Variants in STN1 observed in about 807,000 individuals in gnomAD.
STN1 encodes the protein STN1 subunit of CST complex.
A neutral mutation model predicts 45.5 loss-of-function variants in STN1; 29 were observed. That is an observed-to-expected ratio of 0.64 (90% CI 0.47 to 0.87). The LOEUF is 0.87. Among genes scored for constraint, STN1 ranks in the 40% least tolerant of loss-of-function variants. The probability of loss-of-function intolerance (pLI) is 0.00; values close to 1 mark genes in which losing one functional copy is unlikely to be tolerated. For missense variants in STN1, 376 were observed against 441.4 expected (o/e 0.85, Z 1.33); for synonymous variants, 148 against 159.0 (o/e 0.93, Z 0.52).
At chr10:103,899,129 T>C in intron 5 of STN1, 129 bp from the exon 6 acceptor site, 2 of 891,956 alleles carry the variant, frequency 2.2e-6, no homozygotes, top group Admixed American at 2.3e-5. Context: ...TCCTTGTGAG[T>C]GCCCAGGGAT....
At chr10:103,917,825 G>T (rs1047412286) in intron 1 of STN1, among the ~76,000 whole-genome samples, 169 bp from the exon 2 acceptor site, 1 of 152,238 alleles carries the variant, frequency 6.6e-6, no homozygotes, top group African/African-American at 2.4e-5. Flanking sequence ...CGTTCCTCAC[G>T]TCAGGACGCC....
chr10:103,893,232 G>A (rs560426696), intron 7 of STN1, among the ~76,000 whole-genome samples: 2 of 151,862 alleles, frequency 1.3e-5, no homozygotes, highest in Non-Finnish European at 2.9e-5. Context: ...GCAGTGGCGC[G>A]ATCTCAGCTC....
intron 6 of STN1, 26 bp from the exon 7 acceptor site, chr10:103,897,745 T>G: frequency 6.2e-7 from 1 of 1,609,280 alleles, no homozygotes; most frequent in Non-Finnish European, 8.5e-7. Context: ...TTTAAAGAGC[T>G]CTGCAGAAAA....
chr10:103,901,829 T>C (rs1420952280), intron 4 of STN1, among the ~76,000 whole-genome samples: 1 of 152,216 alleles, frequency 6.6e-6, no homozygotes, highest in East Asian at 1.9e-4. Flanking sequence ...ATTGTCAGAA[T>C]GCTTGCCAGA....
At chr10:103,897,868 T>C in intron 6 of STN1, 149 bp from the exon 7 acceptor site, 3 of 679,550 alleles carry the variant, frequency 4.4e-6, no homozygotes, top group South Asian at 4.1e-5. Flanking sequence ...GGGAACATCA[T>C]GTGGTTGTTT....
chr10:103,883,251 G>A (rs957631550), intron 9 of STN1, among the ~76,000 whole-genome samples: 1 of 152,144 alleles, frequency 6.6e-6, no homozygotes, highest in Non-Finnish European at 1.5e-5. Context: ...CTGGTTTGCT[G>A]CAGCCTCCGT....
intron 4 of STN1, among the ~76,000 whole-genome samples, chr10:103,903,342 GACA>G (rs1222188636): frequency 4.6e-5 from 7 of 152,260 alleles, no homozygotes; most frequent in South Asian, 2.1e-4. Flanking sequence ...TGAAGATTGT[GACA>G]ACAACCAAAA....
chr10:103,908,947 T>G (rs1043165364), intron 3 of STN1, among the ~76,000 whole-genome samples: 2 of 151,750 alleles, frequency 1.3e-5, no homozygotes, highest in Non-Finnish European at 2.9e-5. Context: ...AAAATCAAAC[T>G]GAGTTATATG....
At chr10:103,892,452 A>G (rs981511719) in intron 7 of STN1, among the ~76,000 whole-genome samples, 200 bp from the exon 8 acceptor site, 2 of 152,022 alleles carry the variant, frequency 1.3e-5, no homozygotes, top group South Asian at 4.1e-4. Flanking sequence ...GTCACCTTTC[A>G]TAACTGTTCC....
At chr10:103,901,525 T>G (rs1363612672) in intron 4 of STN1, among the ~76,000 whole-genome samples, 2 of 152,224 alleles carry the variant, frequency 1.3e-5, no homozygotes, top group Non-Finnish European at 2.9e-5. Flanking sequence ...CTGCTTAACC[T>G]GCTTAACCTC....
chr10:103,917,666 A>G lies in STN1; in HGVS notation c.-62-10T>C. On this transcript the variant is annotated splice_polypyrimidine_tract_variant and intron_variant, in intron 1 of 9. Transcript: ENST00000224950. ...TCACTGAGTCAAGCATCTAGATGGG[A>G]CACAGAAATGAGGATGCAATGCGTT... 6.5e-7 allele frequency: 1 copy of G among 1,539,198 alleles called. No homozygotes were observed. Among genetic ancestry groups the G allele is most frequent in the Non-Finnish European group, 8.8e-7 (1 of 1,133,364 alleles).
chr10:103,914,087 T>C (rs2134377634), intron 2 of STN1, among the ~76,000 whole-genome samples: 1 of 152,268 alleles, frequency 6.6e-6, no homozygotes, highest in Admixed American at 6.5e-5. Context: ...ATTTAATCGA[T>C]GCTATGTTAT....
chr10:103,885,084 C>G (rs1843095001), intron 9 of STN1, among the ~76,000 whole-genome samples: 1 of 152,280 alleles, frequency 6.6e-6, no homozygotes, highest in African/African-American at 2.4e-5. Context: ...CAAAGTCACT[C>G]CCGGGAACAA....
At chr10:103,903,911 A>G (rs1386506390) in intron 4 of STN1, among the ~76,000 whole-genome samples, 1 of 152,200 alleles carries the variant, frequency 6.6e-6, no homozygotes, top group Non-Finnish European at 1.5e-5. Context: ...TCACCAAAGC[A>G]ATGCCATTGA....
At chr10:103,901,760 C>A (rs1843211327) in intron 4 of STN1, among the ~76,000 whole-genome samples, 1 of 151,978 alleles carries the variant, frequency 6.6e-6, no homozygotes, top group Non-Finnish European at 1.5e-5. Flanking sequence ...TTTTGGGGGT[C>A]TTTCTTTGGA....
chr10:103,903,177 A>G (rs1368285318), intron 4 of STN1, among the ~76,000 whole-genome samples: 1 of 152,194 alleles, frequency 6.6e-6, no homozygotes. Context: ...TTGCTTATGT[A>G]CTACCTATGG....
At chr10:103,914,543 G>A (rs1458187138) in intron 2 of STN1, among the ~76,000 whole-genome samples, 8 of 151,110 alleles carry the variant, frequency 5.3e-5, no homozygotes, top group Non-Finnish European at 1.0e-4. Flanking sequence ...ACTCAGACAC[G>A]GGGTCTCACT....
chr10:103,895,138 T>G (rs956982501), intron 7 of STN1, among the ~76,000 whole-genome samples: 3 of 152,250 alleles, frequency 2.0e-5, no homozygotes, highest in Non-Finnish European at 2.9e-5. Flanking sequence ...TGTGAGGGAC[T>G]AATTCATAAT....
Position 103,882,612 on chromosome 10 carries a change from T to C in STN1, c.*72A>G. The C allele has an allele frequency of 2.7e-6, 4 of 1,480,576 alleles. No homozygotes were observed. Among genetic ancestry groups the C allele is most frequent in the Non-Finnish European group, 2.7e-6 (3 of 1,094,242 alleles). 91.7% of individuals were successfully genotyped at this position (1,480,576 alleles called of 1,614,324 possible). ...TCCAGACAGATAAGCCCCTGCATGA[T>C]GCTGAAAGTCAGAGCCTGGGGGTGA... On this transcript the variant is annotated 3_prime_UTR_variant, in exon 10 of 10. Transcript: ENST00000224950.
Sources: allele counts gnomAD v4.1 joint callset (sites outside exome capture counted in the v4.1 genomes callset), GRCh38; gene constraint gnomAD v4.1.1; transcripts MANE v1.5; gene names NCBI Gene and HGNC (gene_info 2026-07-23, HGNC 2026-07-21).